Variants in IMMP2L observed in about 807,000 individuals in gnomAD.
IMMP2L encodes the protein mitochondrial inner membrane protease subunit 2.
A neutral mutation model predicts 19.3 loss-of-function variants in IMMP2L; 18 were observed. The observed-to-expected ratio is 0.93, with a 90% CI of 0.64 to 1.38. The LOEUF is 1.38. IMMP2L is among the 40% of genes most tolerant of loss of function. IMMP2L has a pLI of 0.00. For missense variants in IMMP2L, 233 were observed against 218.2 expected (o/e 1.07, Z -0.43); for synonymous variants, 76 against 73.0 (o/e 1.04, Z -0.21).
Position 110,885,868 on chromosome 7 carries a change from G to A in IMMP2L, c.408+725C>T, listed in dbSNP as rs1022351035. Among the ~76,000 whole-genome samples, 16 of 152,092 alleles carry A rather than the reference G, an allele frequency of 1.1e-4. No homozygotes were observed. In the East Asian group the frequency reaches 2.1e-3, roughly 20 times the overall value. On this transcript the variant is annotated intron_variant, in intron 5 of 5. Coordinates refer to ENST00000405709, the MANE Select transcript of IMMP2L (RefSeq NM_032549.4). ...TCCATGGGAAGTCATGGCAGGGGGC[G>A]CAGAGGGGCTTCTGTACAAACACAC...
At chr7:110,884,364 C>T (rs542703867) in intron 5 of IMMP2L, among the ~76,000 whole-genome samples, 1 of 152,018 alleles carries the variant, frequency 6.6e-6, no homozygotes, top group Admixed American at 6.6e-5. Context: ...TTAGAATCAC[C>T]ATGTCTTTAT....
intron 5 of IMMP2L, among the ~76,000 whole-genome samples, chr7:110,738,917 G>A (rs996278267): frequency 2.0e-5 from 3 of 152,110 alleles, no homozygotes; most frequent in Non-Finnish European, 2.9e-5. Flanking sequence ...TTTAAGCCTC[G>A]TTAAACAAAA....
intron 3 of IMMP2L, among the ~76,000 whole-genome samples, chr7:110,996,990 T>G (rs1179967997): frequency 6.6e-6 from 1 of 152,126 alleles, no homozygotes; most frequent in Non-Finnish European, 1.5e-5. Context: ...TTATTACACA[T>G]GTAGATTCAT....
At chr7:111,265,837 G>A (rs1238930843) in intron 3 of IMMP2L, among the ~76,000 whole-genome samples, 3 of 152,066 alleles carry the variant, frequency 2.0e-5, no homozygotes, top group African/African-American at 7.2e-5. Context: ...AGAAAAGAAG[G>A]GGTTTCTGTT....
At chr7:111,391,926 C>G (rs1377285211) in intron 3 of IMMP2L, 1 of 702,782 alleles carries the variant, frequency 1.4e-6, no homozygotes, top group Non-Finnish European at 2.6e-6. Flanking sequence ...TTGTCCTTGA[C>G]CTCAGATATG....
chr7:110,769,242 T>C (rs189124312), intron 5 of IMMP2L, among the ~76,000 whole-genome samples: 16 of 152,356 alleles, frequency 1.1e-4, no homozygotes, highest in African/African-American at 3.6e-4. Context: ...TCACTTCTTA[T>C]ACTTTATGTC....
intron 3 of IMMP2L, among the ~76,000 whole-genome samples, chr7:111,363,264 A>G (rs1829430361): frequency 6.6e-6 from 1 of 152,134 alleles, no homozygotes; most frequent in East Asian, 1.9e-4. Context: ...AGCATAAAGC[A>G]TCATAACCCT....
chr7:110,830,617 C>A (rs1473888425), intron 5 of IMMP2L, among the ~76,000 whole-genome samples: 1 of 152,104 alleles, frequency 6.6e-6, no homozygotes, highest in African/African-American at 2.4e-5. Context: ...TAAAAATGCA[C>A]TCAGTGATGT....
intron 5 of IMMP2L, chr7:110,664,814 C>T (rs1355275462): frequency 6.6e-6 from 1 of 152,174 alleles, no homozygotes; most frequent in African/African-American, 2.4e-5. Context: ...TATATGTCCA[C>T]TTTATTTACC....
At chr7:111,091,866 A>G (rs1796904138) in intron 3 of IMMP2L, among the ~76,000 whole-genome samples, 1 of 151,952 alleles carries the variant, frequency 6.6e-6, no homozygotes, top group African/African-American at 2.4e-5. Flanking sequence ...TGGGGAAGAG[A>G]GAAGACAGAG....
At chr7:111,212,338 G>A (rs1397988954) in intron 3 of IMMP2L, among the ~76,000 whole-genome samples, 3 of 152,174 alleles carry the variant, frequency 2.0e-5, no homozygotes, top group African/African-American at 4.8e-5. Flanking sequence ...GCCGGATGCA[G>A]TGCCTCACGC....
chr7:111,397,087 C>CA lies in IMMP2L; in HGVS notation c.239+90150dup, dbSNP rs551171894. Among the ~76,000 whole-genome samples, 145 of 135,690 alleles carry CA rather than the reference C, an allele frequency of 1.1e-3. 1 individual carries two copies. Among genetic ancestry groups the CA allele is most frequent in the Middle Eastern group, 3.8e-3 (1 of 266 alleles). 89.0% of individuals were successfully genotyped at this position (135,690 alleles called of 152,430 possible). ...TGGGCAACAGAGCGAGACTCTATCT[C>CA]AAAAAAAAAAAGAAAACATTTTTCA... is the stretch of plus-strand genomic sequence containing the variant. On this transcript the variant is annotated intron_variant, in intron 3 of 5. Transcript: ENST00000405709.
chr7:111,275,285 A>C (rs1360576697), intron 3 of IMMP2L, among the ~76,000 whole-genome samples: 1 of 152,166 alleles, frequency 6.6e-6, no homozygotes, highest in African/African-American at 2.4e-5. Flanking sequence ...AATAACAGCA[A>C]AGCACTCTCA....
intron 5 of IMMP2L, among the ~76,000 whole-genome samples, chr7:110,872,367 T>C (rs896480988): frequency 1.3e-5 from 2 of 152,176 alleles, no homozygotes; most frequent in African/African-American, 4.8e-5. Flanking sequence ...AATTCTTTCT[T>C]GCTAGATATC....
rs149092330 is a variant in IMMP2L, at chr7:111,108,460, T to C, written c.240-144895A>G. Among the ~76,000 whole-genome samples the C allele has an allele frequency of 2.9e-3, 447 of 152,250 alleles. 5 individuals are homozygous for C. The highest frequency in any genetic ancestry group is 0.024 in the South Asian group (116 of 4,832). On this transcript the variant is annotated intron_variant, in intron 3 of 5. Coordinates refer to ENST00000405709, the MANE Select transcript of IMMP2L (RefSeq NM_032549.4). ...ATATTATACCCCCACTACACTGTGC[T>C]ATTACTAGAGATATAATATATAAAA... is the stretch of plus-strand genomic sequence containing the variant.
intron 4 of IMMP2L, among the ~76,000 whole-genome samples, chr7:110,951,733 CATA>C (rs1226073705): frequency 6.6e-6 from 1 of 152,048 alleles, no homozygotes; most frequent in Non-Finnish European, 1.5e-5. Flanking sequence ...TTACTCCAAG[CATA>C]ATAACACCAT....
intron 5 of IMMP2L, among the ~76,000 whole-genome samples, chr7:110,798,639 C>T (rs1442502249): frequency 6.6e-6 from 1 of 151,794 alleles, no homozygotes; most frequent in South Asian, 2.1e-4. Flanking sequence ...AAATTTAAAG[C>T]CAAATAGGAA....
chr7:110,699,680 A>G (rs933091641), intron 5 of IMMP2L, among the ~76,000 whole-genome samples: 2 of 151,790 alleles, frequency 1.3e-5, no homozygotes, highest in African/African-American at 4.8e-5. Flanking sequence ...AGGCAGGAGA[A>G]TCACTTGAAC....
At chr7:111,496,811 C>T (rs74817181) in intron 2 of IMMP2L, among the ~76,000 whole-genome samples, 3 of 152,148 alleles carry the variant, frequency 2.0e-5, no homozygotes, top group East Asian at 1.9e-4. Context: ...GGACCTCCAG[C>T]TTGCACATAG....
Sources: allele counts gnomAD v4.1 joint callset (sites outside exome capture counted in the v4.1 genomes callset), GRCh38; gene constraint gnomAD v4.1.1; transcripts MANE v1.5; gene names NCBI Gene and HGNC (gene_info 2026-07-23, HGNC 2026-07-21).